Variants in CCDC57 observed in about 807,000 individuals in gnomAD.
CCDC57 encodes coiled-coil domain containing 57, also known as coiled-coil domain-containing protein 57.
A neutral mutation model predicts 118.9 loss-of-function variants in CCDC57; 118 were observed. The observed-to-expected ratio is 0.99, with a 90% CI of 0.86 to 1.16. The LOEUF (loss-of-function observed/expected upper bound fraction) is 1.16. Among genes scored for constraint, CCDC57 ranks in the 50% most tolerant of loss-of-function variants. The pLI is 0.00. For synonymous variants in CCDC57, 527 were observed against 532.9 expected, an observed-to-expected ratio of 0.99 and a Z score of 0.15; for missense variants, 1,300 against 1,320.7, an observed-to-expected ratio of 0.98 and a Z score of 0.24.
chr17:82,202,801 A>C (rs188940757), intron 2 of CCDC57, among the ~76,000 whole-genome samples: 52 of 152,288 alleles, frequency 3.4e-4, no homozygotes, highest in Admixed American at 3.2e-3. Flanking sequence ...AAGTAGAGGA[A>C]GGGAAGATGG....
chr17:82,151,799 C>A (rs1598956801), intron 15 of CCDC57, 26 bp from the exon 15 acceptor site: 6 of 1,540,816 alleles, frequency 3.9e-6, no homozygotes, highest in Non-Finnish European at 5.3e-6. Context: ...CAGGCAGACA[C>A]CCCTGTGAGG....
chr17:82,158,142 C>A (rs890689474), intron 14 of CCDC57, among the ~76,000 whole-genome samples, 194 bp from the exon 14 acceptor site: 1 of 152,212 alleles, frequency 6.6e-6, no homozygotes, highest in African/African-American at 2.4e-5. Flanking sequence ...CCTGCCCCGC[C>A]CAGCTGGCCC....
At chr17:82,136,494 C>G (rs1383547817) in intron 16 of CCDC57, among the ~76,000 whole-genome samples, 1 of 147,966 alleles carries the variant, frequency 6.8e-6, no homozygotes, top group South Asian at 2.1e-4. Flanking sequence ...GATGCTCGCA[C>G]AACATTCTTG....
At chr17:82,205,201 C>A (rs966574647) in intron 2 of CCDC57, among the ~76,000 whole-genome samples, 1 of 152,234 alleles carries the variant, frequency 6.6e-6, no homozygotes, top group Non-Finnish European at 1.5e-5. Context: ...ACTCAGAACC[C>A]TTCACACAGT....
At chr17:82,188,525 G>GT in intron 7 of CCDC57, 106 bp from the exon 7 acceptor site, 8 of 1,173,044 alleles carry the variant, frequency 6.8e-6, no homozygotes, top group Non-Finnish European at 9.4e-6. Flanking sequence ...AGGTGCTGCT[G>GT]TATGTCTGCC....
At chr17:82,153,299 C>CGT (rs953339835) in intron 15 of CCDC57, 33 of 152,396 alleles carry the variant, frequency 2.2e-4, no homozygotes, top group Admixed American at 6.5e-4. Context: ...TCTACAGGAA[C>CGT]ACACTGGGTT....
intron 1 of CCDC57, among the ~76,000 whole-genome samples, chr17:82,210,914 A>C (rs186610313): frequency 6.6e-6 from 1 of 150,572 alleles, no homozygotes; most frequent in East Asian, 1.9e-4. Flanking sequence ...GAATCACTTC[A>C]ACCCAGGAGG....
At chr17:82,166,686 T>A (rs1448494382) in intron 13 of CCDC57, among the ~76,000 whole-genome samples, 2 of 151,924 alleles carry the variant, frequency 1.3e-5, no homozygotes, top group Admixed American at 6.6e-5. Flanking sequence ...GGCAGGAGGA[T>A]CAATTGAGGC....
At chr17:82,173,010 T>C (rs2044963403) in intron 11 of CCDC57, 150 bp from the exon 11 acceptor site, 2 of 684,474 alleles carry the variant, frequency 2.9e-6, no homozygotes, top group Non-Finnish European at 5.1e-6. Flanking sequence ...CAGGCTGTGA[T>C]GCCCCTCCTT....
chr17:82,126,776 T>A, intron 19 of CCDC57: 2 of 985,354 alleles, frequency 2.0e-6, no homozygotes, highest in Non-Finnish European at 2.4e-6. Flanking sequence ...GCCTGTAAGG[T>A]TACTATTCTA....
chr17:82,185,476 G>T (rs190216403), intron 8 of CCDC57, among the ~76,000 whole-genome samples: 2 of 150,378 alleles, frequency 1.3e-5, no homozygotes, highest in South Asian at 2.1e-4. Flanking sequence ...AAAATTAGCC[G>T]GGTGTGGTGG....
chr17:82,122,754 G>T (rs760786124), intron 19 of CCDC57, among the ~76,000 whole-genome samples: 3 of 152,166 alleles, frequency 2.0e-5, no homozygotes, highest in African/African-American at 7.2e-5. Context: ...CACGGGCACC[G>T]AGCCCCTTCC....
intron 13 of CCDC57, among the ~76,000 whole-genome samples, chr17:82,170,507 C>CAAA (rs35462707): frequency 6.0e-5 from 6 of 99,218 alleles, no homozygotes; most frequent in Admixed American, 1.2e-4. Context: ...GACTCTGTCC[C>CAAA]AAAAAAAAAA....
At chr17:82,157,004 G>A (rs1387138597) in intron 15 of CCDC57, 3 of 152,410 alleles carry the variant, frequency 2.0e-5, no homozygotes, top group Non-Finnish European at 4.4e-5. Flanking sequence ...GGTAACTATA[G>A]GTTACCACAG....
At chr17:82,129,795 G>C (rs2038053539) in intron 17 of CCDC57, among the ~76,000 whole-genome samples, 1 of 152,148 alleles carries the variant, frequency 6.6e-6, no homozygotes, top group African/African-American at 2.4e-5. Flanking sequence ...GGGAGGCTGA[G>C]GCAGGAGGAT....
At chr17:82,164,995 C>T (rs2043803387) in intron 13 of CCDC57, among the ~76,000 whole-genome samples, 1 of 152,178 alleles carries the variant, frequency 6.6e-6, no homozygotes, top group Non-Finnish European at 1.5e-5. Context: ...CAGTCTTACT[C>T]ATGAACATAA....
intron 16 of CCDC57, among the ~76,000 whole-genome samples, chr17:82,141,593 T>G (rs1249139708): frequency 1.3e-5 from 2 of 152,222 alleles, no homozygotes; most frequent in African/African-American, 4.8e-5. Flanking sequence ...GCACTCTCGC[T>G]GCACCTATGG....
intron 16 of CCDC57, among the ~76,000 whole-genome samples, chr17:82,147,053 C>G (rs527533356): frequency 1.3e-5 from 2 of 152,344 alleles, no homozygotes; most frequent in South Asian, 4.1e-4. Flanking sequence ...CAGAAAGTAT[C>G]TGGCACTCAG....
At chr17:82,209,112 C>T (rs1161878150) in intron 1 of CCDC57, among the ~76,000 whole-genome samples, 3 of 152,064 alleles carry the variant, frequency 2.0e-5, no homozygotes, top group Non-Finnish European at 4.4e-5. Context: ...CACTGACTGC[C>T]GAAGAGTAGC....
Sources: allele counts gnomAD v4.1 joint callset (sites outside exome capture counted in the v4.1 genomes callset), GRCh38; gene constraint gnomAD v4.1.1; transcripts MANE v1.5; gene names NCBI Gene and HGNC (gene_info 2026-07-23, HGNC 2026-07-21).